CHSY3: variants seen among roughly 807,000 people sequenced by gnomAD.
CHSY3 encodes N-acetylgalactosaminyl-proteoglycan 3-beta-glucuronosyltransferase 3.
CHSY3 carries 35 observed loss-of-function variants against 67.2 expected under a neutral mutation model. The observed-to-expected ratio is 0.52, with a 90% CI of 0.40 to 0.69. The LOEUF is 0.69. Ranked by LOEUF, CHSY3 falls within the 30% of genes least tolerant of loss-of-function variation. The pLI is 0.00. For synonymous variants in CHSY3, 474 were observed against 434.7 expected, an observed-to-expected ratio of 1.09 and a Z score of -1.12; for missense variants, 1,069 against 1,138.5, an observed-to-expected ratio of 0.94 and a Z score of 0.88.
At chr5:130,092,562 T>C (rs1048538166) in intron 2 of CHSY3, among the ~76,000 whole-genome samples, 9 of 152,248 alleles carry the variant, frequency 5.9e-5, no homozygotes, top group Non-Finnish European at 1.2e-4. Flanking sequence ...AATTTTAATG[T>C]ACCCAAGAAG....
At chr5:130,010,600 G>A (rs1340475580) in intron 2 of CHSY3, among the ~76,000 whole-genome samples, 1 of 152,052 alleles carries the variant, frequency 6.6e-6, no homozygotes, top group Non-Finnish European at 1.5e-5. Flanking sequence ...AGCAAACAAA[G>A]CCCAAAGCTG....
chr5:130,156,533 A>G (rs1406806338), intron 2 of CHSY3, among the ~76,000 whole-genome samples: 3 of 152,238 alleles, frequency 2.0e-5, no homozygotes, highest in African/African-American at 7.2e-5. Context: ...AGTGATTTGA[A>G]TGAAGGACTA....
chr5:130,111,632 GTATT>G (rs1364357354), intron 2 of CHSY3, among the ~76,000 whole-genome samples: 1 of 152,170 alleles, frequency 6.6e-6, no homozygotes, highest in African/African-American at 2.4e-5. Context: ...TGCCTAGAGT[GTATT>G]TAAAGTATTC....
chr5:130,137,105 C>T (rs1768689044), intron 2 of CHSY3, among the ~76,000 whole-genome samples: 1 of 152,090 alleles, frequency 6.6e-6, no homozygotes, highest in Admixed American at 6.6e-5. Flanking sequence ...AAAATCACTC[C>T]TCTCAATATA....
intron 2 of CHSY3, among the ~76,000 whole-genome samples, chr5:130,087,491 C>T (rs1766690884): frequency 6.6e-6 from 1 of 151,724 alleles, no homozygotes; most frequent in Non-Finnish European, 1.5e-5. Context: ...CCCAAATCTC[C>T]TTAAGCTGAT....
intron 2 of CHSY3, among the ~76,000 whole-genome samples, chr5:129,941,425 T>C (rs1355007740): frequency 2.0e-5 from 3 of 152,146 alleles, no homozygotes; most frequent in African/African-American, 4.8e-5. Context: ...ATTTTTTCAA[T>C]TAGTAAGTAG....
At chr5:130,017,652 G>A (rs1387199628) in intron 2 of CHSY3, among the ~76,000 whole-genome samples, 1 of 152,006 alleles carries the variant, frequency 6.6e-6, no homozygotes, top group Non-Finnish European at 1.5e-5. Context: ...CTTAAGTGAT[G>A]TTTACATTTA....
At chr5:129,977,720 A>G (rs1762854213) in intron 2 of CHSY3, among the ~76,000 whole-genome samples, 2 of 152,252 alleles carry the variant, frequency 1.3e-5, no homozygotes, top group South Asian at 4.1e-4. Context: ...ATCATGGCCA[A>G]GTTTTATCAT....
chr5:130,114,746 T>C (rs1331439711), intron 2 of CHSY3, among the ~76,000 whole-genome samples: 1 of 152,202 alleles, frequency 6.6e-6, no homozygotes, highest in East Asian at 1.9e-4. Context: ...TTTCAAAATA[T>C]CTGCAAGTAG....
chr5:129,949,962 G>T (rs1043461048), intron 2 of CHSY3, among the ~76,000 whole-genome samples: 1 of 151,946 alleles, frequency 6.6e-6, no homozygotes, highest in Non-Finnish European at 1.5e-5. Flanking sequence ...TCAGGAGATC[G>T]AGACCATCCT....
chr5:130,041,124 C>A (rs1764995048), intron 2 of CHSY3, among the ~76,000 whole-genome samples: 3 of 152,154 alleles, frequency 2.0e-5, no homozygotes, highest in Middle Eastern at 3.4e-3. Context: ...TGGAATATTG[C>A]CCTTGGTCCA....
intron 2 of CHSY3, among the ~76,000 whole-genome samples, chr5:130,107,263 C>T (rs1337861757): frequency 6.6e-6 from 1 of 151,160 alleles, no homozygotes; most frequent in Non-Finnish European, 1.5e-5. Context: ...GTTTTGCCAT[C>T]CAAGCATTAT....
intron 2 of CHSY3, chr5:130,114,541 A>C (rs1260206043): frequency 6.6e-6 from 1 of 152,164 alleles, no homozygotes; most frequent in Non-Finnish European, 1.5e-5. Context: ...GAGTAATAGT[A>C]GTATACACCT....
chr5:130,175,828 T>A (rs1770031227), intron 2 of CHSY3, among the ~76,000 whole-genome samples: 1 of 152,202 alleles, frequency 6.6e-6, no homozygotes, highest in Non-Finnish European at 1.5e-5. Context: ...ACTGGACCCC[T>A]TCCTTACACC....
intron 2 of CHSY3, among the ~76,000 whole-genome samples, chr5:130,014,897 A>G (rs1764172566): frequency 6.6e-6 from 1 of 152,208 alleles, no homozygotes; most frequent in South Asian, 2.1e-4. Context: ...CTGCAAAAGA[A>G]ACTATCAACA....
At chr5:130,122,952 G>A (rs1402854225) in intron 2 of CHSY3, among the ~76,000 whole-genome samples, 1 of 152,022 alleles carries the variant, frequency 6.6e-6, no homozygotes, top group African/African-American at 2.4e-5. Flanking sequence ...ATATGGCAAA[G>A]TTTTAGTGAT....
At chr5:129,948,549 A>G (rs1761931794) in intron 2 of CHSY3, among the ~76,000 whole-genome samples, 1 of 152,224 alleles carries the variant, frequency 6.6e-6, no homozygotes. Context: ...TTATAAATAT[A>G]TGTTCACACA....
intron 2 of CHSY3, among the ~76,000 whole-genome samples, chr5:129,937,881 T>G (rs1761555760): frequency 6.6e-6 from 1 of 152,100 alleles, no homozygotes; most frequent in African/African-American, 2.4e-5. Flanking sequence ...GCTCTACCCT[T>G]GTGGCTATGC....
chr5:129,909,142 T>A (rs996909087), intron 2 of CHSY3, among the ~76,000 whole-genome samples: 9 of 152,242 alleles, frequency 5.9e-5, no homozygotes, highest in African/African-American at 1.9e-4. Flanking sequence ...TCTTCAGAAA[T>A]TGATTTTGAA....
Sources: gnomAD v4.1 joint callset for allele counts (sites outside exome capture counted in the v4.1 genomes callset) on GRCh38, gnomAD v4.1.1 for gene constraint, MANE v1.5 for transcripts, NCBI Gene and HGNC (gene_info 2026-07-23, HGNC 2026-07-21) for gene names.